TDRD1: variants seen among roughly 807,000 people sequenced by gnomAD.
The protein encoded by TDRD1 is tudor domain-containing protein 1.
Under a neutral mutation model 140.6 loss-of-function variants are expected in TDRD1, and 37 were observed. The ratio of observed to expected loss-of-function variants is 0.26; its 90% CI spans 0.20 to 0.35. TDRD1 has a LOEUF of 0.35. Among genes scored for constraint, TDRD1 ranks in the 10% least tolerant of loss-of-function variants. TDRD1 has a pLI of 1.00. For missense variants in TDRD1, 1,243 were observed against 1,393.0 expected (o/e 0.89, Z 1.71); for synonymous variants, 506 against 475.7 (o/e 1.06, Z -0.83).
At chr10:114,218,090 TA>T (rs2035925502) in intron 17 of TDRD1, among the ~76,000 whole-genome samples, 1 of 152,224 alleles carries the variant, frequency 6.6e-6, no homozygotes, top group South Asian at 2.1e-4. Context: ...CCAAGAGTAT[TA>T]TACATCTCCA....
intron 2 of TDRD1, among the ~76,000 whole-genome samples, chr10:114,190,059 G>C (rs538360868): frequency 6.6e-6 from 1 of 151,916 alleles, no homozygotes; most frequent in African/African-American, 2.4e-5. Context: ...ATTCCTCCTC[G>C]TTGCAAATAC....
intron 11 of TDRD1, among the ~76,000 whole-genome samples, chr10:114,206,553 TG>T (rs1190931662): frequency 2.0e-5 from 3 of 152,032 alleles, no homozygotes; most frequent in Non-Finnish European, 4.4e-5. Flanking sequence ...ATCCTTAACA[TG>T]GTAATCATCA....
intron 4 of TDRD1, among the ~76,000 whole-genome samples, chr10:114,200,541 T>C (rs7910417): frequency 0.23 from 35,503 of 152,140 alleles, 4,316 homozygotes; most frequent in Middle Eastern, 0.28. Flanking sequence ...TTTCAGTCGC[T>C]TGTACAAGTC....
At chr10:114,184,909 A>G (rs769562372) in intron 1 of TDRD1, among the ~76,000 whole-genome samples, 1 of 152,080 alleles carries the variant, frequency 6.6e-6, no homozygotes, top group Non-Finnish European at 1.5e-5. Context: ...AGCATGTATG[A>G]TACTAGTTTT....
chr10:114,229,818 T>TATA (rs201318496), intron 25 of TDRD1, among the ~76,000 whole-genome samples: 1 of 98,554 alleles, frequency 1.0e-5, no homozygotes, highest in African/African-American at 4.8e-5. Flanking sequence ...TATATATATA[T>TATA]TTTTTTTTTA....
intron 25 of TDRD1, among the ~76,000 whole-genome samples, chr10:114,229,919 C>T (rs189998705): frequency 1.2e-3 from 189 of 151,988 alleles, no homozygotes; most frequent in African/African-American, 4.3e-3. Context: ...CAACCTCCGC[C>T]TCCCGGGTTC....
At chr10:114,177,351 T>C (rs2032713687), upstream of TDRD1, among the ~76,000 whole-genome samples, 1 of 152,232 alleles carries the variant, frequency 6.6e-6, no homozygotes, top group Non-Finnish European at 1.5e-5. Context: ...GACCAAATCC[T>C]ACATCAATTG....
chr10:114,203,090 G>A, exon 7 of TDRD1: 1 of 1,613,496 alleles, frequency 6.2e-7, no homozygotes, highest in African/African-American at 1.3e-5. Context: ...TCCACTTGGA[G>A]TTACTAAGGA....
exon 15 of TDRD1, chr10:114,213,438 G>A (rs1395745683): frequency 6.2e-7 from 1 of 1,614,048 alleles, no homozygotes; most frequent in Middle Eastern, 1.7e-4. Context: ...GAAAGTGGTG[G>A]ACAAGTTGGA....
At chr10:114,181,136 G>A (rs778105739) in intron 1 of TDRD1, among the ~76,000 whole-genome samples, 1 of 152,194 alleles carries the variant, frequency 6.6e-6, no homozygotes, top group Non-Finnish European at 1.5e-5. Context: ...GTCACTTTCA[G>A]TCCACTACTC....
At position 114,214,127 on chromosome 10, in the gene TDRD1, T is replaced by A. The variant is rs1162449244; in HGVS notation, c.2212+13T>A. On this transcript the variant is annotated intron_variant, in intron 16 of 25. Coordinates refer to ENST00000251864, the Ensembl canonical transcript of TDRD1. The stretch of plus-strand genomic sequence containing the variant: ...CTTAAAGAGGATGGTAAGTTGATTC[T>A]TGTCATTTGTTTCTTTTTACAAATA... 6.2e-7 allele frequency: 1 copy of A among 1,611,154 alleles called. No individual in the cohort carries two copies. Among genetic ancestry groups the A allele is most frequent in the East Asian group, 2.2e-5 (1 of 44,826 alleles).
At position 114,221,242 on chromosome 10, in the gene TDRD1, T is replaced by G. The variant is rs564576954; in HGVS notation, c.2771-115T>G. 23 of 1,053,388 alleles carry G rather than the reference T, an allele frequency of 2.2e-5. No individual in the cohort carries two copies. The African/African-American group carries it at 3.7e-4, about 17-fold the overall frequency. The allele number at this position is 1,053,388 out of a possible 1,614,324, so 65.3% of individuals were successfully genotyped here. On this transcript the variant is annotated intron_variant, in intron 19 of 25. Coordinates refer to ENST00000251864, the Ensembl canonical transcript of TDRD1. ...AAATACAGATTTTTATTTTGGGGAT[T>G]TGGAAATGTTGATAATCATTTCATG...
exon 4 of TDRD1, chr10:114,199,226 C>G (rs1462023200): frequency 1.2e-6 from 2 of 1,614,006 alleles, no homozygotes; most frequent in Non-Finnish European, 1.7e-6. Flanking sequence ...ACAAGTTGGT[C>G]GAGAATTCCT....
intron 18 of TDRD1, among the ~76,000 whole-genome samples, chr10:114,219,675 C>T (rs962301452): frequency 1.4e-4 from 21 of 151,122 alleles, no homozygotes; most frequent in Non-Finnish European, 2.9e-4. Flanking sequence ...GCAACCTCTG[C>T]CTCCCAGATT....
At chr10:114,198,536 T>C (rs2034521189) in intron 3 of TDRD1, among the ~76,000 whole-genome samples, 2 of 151,916 alleles carry the variant, frequency 1.3e-5, no homozygotes, top group African/African-American at 4.8e-5. Context: ...TGGGTGGGAG[T>C]GGGGCCACAG....
At chr10:114,201,098 C>A (rs1220520602) in intron 4 of TDRD1, among the ~76,000 whole-genome samples, 2 of 151,948 alleles carry the variant, frequency 1.3e-5, no homozygotes, top group East Asian at 1.9e-4. Context: ...TCAGGTGATT[C>A]ACCTGCCTCA....
At chr10:114,222,361 C>T (rs2036195169) in intron 20 of TDRD1, among the ~76,000 whole-genome samples, 1 of 152,210 alleles carries the variant, frequency 6.6e-6, no homozygotes, top group Non-Finnish European at 1.5e-5. Flanking sequence ...CCACCGGAGG[C>T]TTCCTCCCTG....
At chr10:114,208,114 G>T (rs535850584) in intron 11 of TDRD1, among the ~76,000 whole-genome samples, 2 of 152,146 alleles carry the variant, frequency 1.3e-5, no homozygotes, top group African/African-American at 4.8e-5. Context: ...GCATGAGCAG[G>T]CCTGAGAAAC....
chr10:114,213,198 T>C (rs2133081569), intron 14 of TDRD1, 148 bp from the exon 15 acceptor site: 3 of 723,474 alleles, frequency 4.1e-6, no homozygotes, highest in Non-Finnish European at 6.5e-6. Context: ...TTGTTAATTA[T>C]GCATTCATTT....
Sources: allele counts gnomAD v4.1 joint callset (sites outside exome capture counted in the v4.1 genomes callset), GRCh38; gene constraint gnomAD v4.1.1; transcripts MANE v1.5; gene names NCBI Gene and HGNC (gene_info 2026-07-23, HGNC 2026-07-21).